MYH6: variants seen among roughly 807,000 people sequenced by gnomAD.
MYH6 encodes myosin-6.
Under a neutral mutation model 223.2 loss-of-function variants are expected in MYH6, and 126 were observed. The ratio of observed to expected loss-of-function variants is 0.56; its 90% CI spans 0.49 to 0.65. The LOEUF is 0.65. Ranked by LOEUF, MYH6 falls within the 30% of genes least tolerant of loss-of-function variation. The probability of loss-of-function intolerance (pLI) is 0.00; values close to 1 mark genes in which losing one functional copy is unlikely to be tolerated. For synonymous variants in MYH6, 978 were observed against 1,010.2 expected (o/e 0.97, Z 0.61); for missense variants, 2,040 against 2,536.4 (o/e 0.80, Z 4.20).
chr14:23,397,234 G>A lies in MYH6; in HGVS notation c.1986C>T (p.Thr662=). The A allele has an allele frequency of 1.2e-6, 2 of 1,614,190 alleles. No homozygotes were observed. The highest frequency in any genetic ancestry group is 2.2e-5 in the East Asian group (1 of 44,886). The stretch of plus-strand genomic sequence containing the variant: ...AGTGAGGATGGGTGGTCCTCAGGTT[G>A]GTCATTAGCTTGTTGAGATTTTCCT... The part of the protein sequence containing the change: ...LHRENLNKLM[T]NLRTTHPHFV... The change falls in exon 17 of 39, where the codon ACC becomes ACT. Residue 662 remains threonine (T), a synonymous_variant. Transcript: ENST00000405093.
chr14:23,393,509 G>C lies in MYH6; in HGVS notation c.2938C>G (p.Leu980Val), dbSNP rs1291099380. 6.2e-7 allele frequency: 1 copy of C among 1,614,026 alleles called. No individual in the cohort carries two copies. The highest frequency in any genetic ancestry group is 2.2e-5 in the East Asian group (1 of 44,882). ...KHATENKVKN[L>V]TEEMAGLDEI... ...TCCAGCCCAGCCATCTCCTCTGTTA[G>C]GTTCTTCACCTGCCGACCAAAAACC... Residue 980 changes from leucine (L) to valine (V), a missense_variant, in exon 23 of 39, where the codon CTA becomes GTA. By Grantham distance (32) the Leu-to-Val change is conservative. Transcript: ENST00000405093.
chr14:23,383,186 G>T, intron 37 of MYH6, 39 bp downstream of exon 37: 1 of 1,505,010 alleles, frequency 6.6e-7, no homozygotes, highest in Non-Finnish European at 9.2e-7. Context: ...ACAAATAGTA[G>T]GTGTGTTGAT....
intron 25 of MYH6, among the ~76,000 whole-genome samples, chr14:23,391,130 A>T (rs1730693017): frequency 6.6e-6 from 1 of 152,180 alleles, no homozygotes; most frequent in Non-Finnish European, 1.5e-5. Flanking sequence ...GGTCTTGACT[A>T]AATTGGGAGA....
At chr14:23,385,894 T>A (rs1420941570) in intron 34 of MYH6, 34 bp downstream of exon 34, 10 of 1,614,108 alleles carry the variant, frequency 6.2e-6, no homozygotes, top group Non-Finnish European at 7.6e-6. Context: ...CTGCACTCAG[T>A]AGGTTTCCAC....
At position 23,405,676 on chromosome 14, in the gene MYH6, G is replaced by T. The variant is rs1406034162; in HGVS notation, c.296C>A (p.Pro99His). The T allele has an allele frequency of 6.2e-7, 1 of 1,614,094 alleles. No homozygotes were observed. Among genetic ancestry groups the T allele is most frequent in the Non-Finnish European group, 8.5e-7 (1 of 1,180,042 alleles). ...DMAMLTFLHE[P>H]AVLFNLKERY... The stretch of plus-strand genomic sequence containing the variant: ...CTCCTTGAGGTTGAAAAGCACCGCG[G>T]GCTCGTGCAGGAAGGTCAGCATGGC... Residue 99 changes from proline (P) to histidine (H), a missense_variant, in exon 4 of 39, where the codon CCC becomes CAC. Coordinates refer to ENST00000405093, the MANE Select transcript of MYH6 (RefSeq NM_002471.4). This position sits in a 1 kb window ranked among gnomAD's most constrained non-coding sequence, Gnocchi z 4.7.
At position 23,398,736 on chromosome 14, in the gene MYH6, G is replaced by A; in HGVS notation, c.1883C>T (p.Ala628Val). 1.2e-6 allele frequency: 2 copies of A among 1,614,204 alleles called. No homozygotes were observed. Among genetic ancestry groups the A allele is most frequent in the South Asian group, 1.1e-5 (1 of 91,082 alleles). The change falls in exon 15 of 39, where the codon GCC (alanine) becomes GTC (valine). Residue 628 changes from alanine (A) to valine (V), a missense_variant. By Grantham distance (64) the Ala-to-Val change is moderately conservative (BLOSUM62 0). This residue lies in a region of MYH6 where 649 missense variants were observed against 877.3 expected (regional missense o/e 0.74). Transcript: ENST00000405093. ...MATLFSSYATADTGDSGKSKG... is the reference protein window; with the variant it reads ...MATLFSSYATVDTGDSGKSKG... ...AGGGGCTGCCTGCTTACCAGTATCG[G>A]CAGTTGCGTAGGAGGAGAAGAGAGT...
chr14:23,391,470 AC>A (rs779857083), intron 25 of MYH6, among the ~76,000 whole-genome samples: 16 of 152,190 alleles, frequency 1.1e-4, no homozygotes, highest in Non-Finnish European at 2.2e-4. Context: ...TCTAGCTAAA[AC>A]CCAGAAGGGG....
Position 23,407,311 on chromosome 14 carries a change from C to T in MYH6, c.-13-75G>A. The T allele has an allele frequency of 2.0e-6, 3 of 1,536,180 alleles. No homozygotes were observed. The highest frequency in any genetic ancestry group is 2.7e-6 in the Non-Finnish European group (3 of 1,118,048). ...CAGCGAGTGGCTTTGTCCTCTGCAG[C>T]CCCCCTCCCTACCCCCGCTCCTCTC... On this transcript the variant is annotated intron_variant, in intron 2 of 38. Transcript: ENST00000405093. This position sits in a 1 kb window ranked among gnomAD's most constrained non-coding sequence, Gnocchi z 5.6.
intron 27 of MYH6, 22 bp from the exon 28 acceptor site, chr14:23,389,533 T>C: frequency 1.2e-6 from 2 of 1,614,196 alleles, no homozygotes; most frequent in Non-Finnish European, 1.7e-6. Context: ...ATGAGGGGCT[T>C]GTGGGCCATT....
chr14:23,384,165 C>A (rs1277980788), intron 36 of MYH6, among the ~76,000 whole-genome samples: 1 of 148,332 alleles, frequency 6.7e-6, no homozygotes, highest in African/African-American at 2.5e-5. Context: ...GTTCTGAAGT[C>A]TTCATGGTAG....
At chr14:23,382,156 A>T in intron 38 of MYH6, 93 bp from the exon 39 acceptor site, 2 of 1,305,532 alleles carry the variant, frequency 1.5e-6, no homozygotes, top group Middle Eastern at 3.9e-4. Flanking sequence ...CCTAAGGGAG[A>T]TGCCCTTGGA....
At chr14:23,397,309 G>T in intron 16 of MYH6, 52 bp from the exon 17 acceptor site, 1 of 1,545,788 alleles carries the variant, frequency 6.5e-7, no homozygotes, top group Non-Finnish European at 8.9e-7. Flanking sequence ...CATCCCTTAG[G>T]CCCTTAAACC....
Position 23,405,884 on chromosome 14 carries a change from C to A in MYH6, c.202-114G>T, listed in dbSNP as rs929299177. The A allele has an allele frequency of 2.9e-6, 4 of 1,372,564 alleles. No individual in the cohort carries two copies. Among genetic ancestry groups the A allele is most frequent in the Non-Finnish European group, 3.1e-6 (3 of 967,372 alleles). 85.0% of individuals were successfully genotyped at this position (1,372,564 alleles called of 1,614,324 possible). On this transcript the variant is annotated intron_variant, in intron 3 of 38. Coordinates refer to ENST00000405093, the MANE Select transcript of MYH6 (RefSeq NM_002471.4). The surrounding 1 kb of genome is among the most constrained non-coding windows in gnomAD (Gnocchi z 4.7). ...CAGGGACTTGGCCTTGCTCCCCTTG[C>A]TCTGACCAGTGCCCCGGCCCCTACC...
In MYH6 at chr14:23,407,320, C is replaced by G. The variant is rs139563072; in HGVS notation, c.-13-84G>C. ...GCTTTGTCCTCTGCAGCCCCCCTCC[C>G]TACCCCCGCTCCTCTCCTCCACCCT... On this transcript the variant is annotated intron_variant, in intron 2 of 38. Transcript: ENST00000405093. This position sits in a 1 kb window ranked among gnomAD's most constrained non-coding sequence, Gnocchi z 5.6. 3,092 of 1,494,000 alleles carry G rather than the reference C, an allele frequency of 2.1e-3. 11 individuals carry two copies. The highest frequency in any genetic ancestry group is 0.01 in the Middle Eastern group (45 of 4,304). 92.5% of individuals were successfully genotyped at this position (1,494,000 alleles called of 1,614,324 possible).
At chr14:23,406,576 G>T (rs1891795687) in intron 3 of MYH6, among the ~76,000 whole-genome samples, 1 of 152,230 alleles carries the variant, frequency 6.6e-6, no homozygotes, top group Non-Finnish European at 1.5e-5. Flanking sequence ...CAGTCAAGGA[G>T]AGTGCTCAGC....
chr14:23,399,976 C>G (rs1227505725), intron 14 of MYH6: 1 of 501,970 alleles, frequency 2.0e-6, no homozygotes, highest in African/African-American at 1.9e-5. Context: ...TGACGCTTCT[C>G]ATGGGCGGTC....
At chr14:23,402,627 G>T (rs113300530) in intron 11 of MYH6, 25 bp from the exon 12 acceptor site, 22 of 1,613,800 alleles carry the variant, frequency 1.4e-5, no homozygotes, top group African/African-American at 1.3e-4. Context: ...GAGACAAAGA[G>T]GGGGGTTGGA....
chr14:23,390,730 AGT>A (rs1160422727), intron 25 of MYH6, among the ~76,000 whole-genome samples: 1 of 152,182 alleles, frequency 6.6e-6, no homozygotes, highest in Non-Finnish European at 1.5e-5. Context: ...TCTCAGACCC[AGT>A]GTGAGCATCT....
intron 25 of MYH6, among the ~76,000 whole-genome samples, chr14:23,391,540 C>G (rs1450433776): frequency 1.3e-5 from 2 of 152,300 alleles, no homozygotes; most frequent in African/African-American, 4.8e-5. Flanking sequence ...CTGTGCAGCC[C>G]CAGAGGAGTG....
Sources: allele counts gnomAD v4.1 joint callset (sites outside exome capture counted in the v4.1 genomes callset), GRCh38; gene constraint gnomAD v4.1.1; regional missense constraint gnomAD v4.1.1; non-coding constraint Gnocchi (gnomAD v3.1); transcripts MANE v1.5; gene names NCBI Gene and HGNC (gene_info 2026-07-23, HGNC 2026-07-21).